The following ALK variants were observed in gnomAD, a reference collection of about 807,000 sequenced individuals.
ALK encodes the protein ALK tyrosine kinase receptor.
Under a neutral mutation model 163.1 loss-of-function variants are expected in ALK, and 74 were observed. The observed-to-expected ratio is 0.45, with a 90% CI of 0.38 to 0.55. The LOEUF (loss-of-function observed/expected upper bound fraction) is 0.55, where lower values mean the gene tolerates loss of function less well. ALK is among the 20% of genes least tolerant of loss of function. The probability of loss-of-function intolerance (pLI) is 0.00; values close to 1 mark genes in which losing one functional copy is unlikely to be tolerated. For synonymous variants in ALK, 960 were observed against 843.2 expected, an observed-to-expected ratio of 1.14 and a Z score of -2.40; for missense variants, 2,063 against 2,105.3, an observed-to-expected ratio of 0.98 and a Z score of 0.39.
intron 18 of ALK, 125 bp downstream of exon 18, chr2:29,226,797 T>G (rs1573131319): frequency 5.5e-5 from 66 of 1,197,652 alleles, no homozygotes; most frequent in Admixed American, 1.7e-5. Flanking sequence ...CTGTGGCAGG[T>G]AGGGGAGGGA....
chr2:29,833,857 A>G (rs772349264), intron 1 of ALK, among the ~76,000 whole-genome samples: 2 of 152,156 alleles, frequency 1.3e-5, no homozygotes, highest in Non-Finnish European at 2.9e-5. Context: ...AGCTCTAGAC[A>G]GTTTTGATGC....
chr2:29,909,973 C>A (rs1434339839), intron 1 of ALK, among the ~76,000 whole-genome samples: 2 of 136,426 alleles, frequency 1.5e-5, no homozygotes, highest in Middle Eastern at 3.6e-3. Context: ...TCATAATGCA[C>A]CACACCAAAA....
intron 1 of ALK, among the ~76,000 whole-genome samples, chr2:29,791,747 C>T (rs535583833): frequency 6.6e-6 from 1 of 152,196 alleles, no homozygotes; most frequent in South Asian, 2.1e-4. Flanking sequence ...ATTCATTCAT[C>T]CATCCATTTA....
intron 3 of ALK, among the ~76,000 whole-genome samples, chr2:29,667,104 C>T (rs902814230): frequency 6.6e-6 from 1 of 152,060 alleles, no homozygotes; most frequent in African/African-American, 2.4e-5. Context: ...TAGGTTGAGT[C>T]CATATTTTGA....
chr2:29,327,328 A>G (rs1194726160), intron 6 of ALK, among the ~76,000 whole-genome samples: 1 of 152,194 alleles, frequency 6.6e-6, no homozygotes, highest in African/African-American at 2.4e-5. Context: ...AGGTATTGCT[A>G]TGGGAAAGAT....
rs2148188842 is a variant in ALK, at chr2:29,239,800, T to C, written c.2235A>G (p.Lys745=). 2 of 1,613,852 alleles carry C rather than the reference T, an allele frequency of 1.2e-6. No individual in the cohort carries two copies. Among genetic ancestry groups the C allele is most frequent in the Non-Finnish European group, 8.5e-7 (1 of 1,179,948 alleles). The change falls in exon 13 of 29, where the codon AAA becomes AAG. Residue 745 remains lysine (K), a synonymous_variant. Transcript: ENST00000389048. The part of the protein sequence containing the change: ...SISGYGAAGG[K]GGKNTMMRSH... Reference sequence around the variant, plus strand: ...ACCGCATCATGGTGTTCTTCCCGCCTTTCCCGCCAGCAGCTCCGTAGCCCG... The same window carrying C: ...ACCGCATCATGGTGTTCTTCCCGCCCTTCCCGCCAGCAGCTCCGTAGCCCG...
intron 3 of ALK, among the ~76,000 whole-genome samples, chr2:29,573,281 G>T (rs1261969331): frequency 1.3e-5 from 2 of 152,182 alleles, no homozygotes; most frequent in Non-Finnish European, 2.9e-5. Flanking sequence ...TTATGCGTTG[G>T]TTTGGTCACT....
rs1060500207 is a variant in ALK, at chr2:29,214,063, C to T, written c.3664G>A (p.Ala1222Thr). 6.2e-7 allele frequency: 1 copy of T among 1,613,986 alleles called. No individual in the cohort carries two copies. Among genetic ancestry groups the T allele is most frequent in the Non-Finnish European group, 8.5e-7 (1 of 1,179,932 alleles). Reference sequence around the variant, plus strand: ...GCCACGTGCAGAAGGTCCAGCATGGCCAGGGAGGAGGGCTGGCTCTGTGGG... The same window carrying T: ...GCCACGTGCAGAAGGTCCAGCATGGTCAGGGAGGAGGGCTGGCTCTGTGGG... ...RPRPSQPSSLAMLDLLHVARD... is the reference protein window; with the variant it reads ...RPRPSQPSSLTMLDLLHVARD... The change falls in exon 24 of 29, where the codon GCC (alanine) becomes ACC (threonine). Residue 1222 changes from alanine (A) to threonine (T), a missense_variant. Ala to Thr is a moderately conservative substitution (Grantham distance 58). Around this residue, in one of 5 missense-constraint regions of ALK, gnomAD observed 575 missense variants for 626.6 expected, o/e 0.92. Coordinates refer to ENST00000389048, the MANE Select transcript of ALK (RefSeq NM_004304.5).
At chr2:29,701,527 T>C (rs558934086) in intron 2 of ALK, among the ~76,000 whole-genome samples, 48 of 152,284 alleles carry the variant, frequency 3.2e-4, no homozygotes, top group African/African-American at 1.2e-3. Context: ...AAGAATGCCA[T>C]GCCCATCAAT....
chr2:29,639,128 CTTTCACACAGAA>C (rs1359031780), intron 3 of ALK, among the ~76,000 whole-genome samples: 1 of 152,180 alleles, frequency 6.6e-6, no homozygotes, highest in Non-Finnish European at 1.5e-5. Flanking sequence ...AGAAATCTAG[CTTTCACACAGAA>C]TTTCAGGACA....
intron 1 of ALK, among the ~76,000 whole-genome samples, chr2:29,794,883 A>T (rs1664268407): frequency 6.6e-6 from 1 of 152,178 alleles, no homozygotes; most frequent in Non-Finnish European, 1.5e-5. Context: ...CAGAGACATG[A>T]AGGAAACACA....
At chr2:29,801,193 G>C (rs1305267926) in intron 1 of ALK, among the ~76,000 whole-genome samples, 2 of 152,156 alleles carry the variant, frequency 1.3e-5, no homozygotes, top group Non-Finnish European at 2.9e-5. Context: ...CAGATACTGT[G>C]AGAAATGTCT....
At position 29,900,575 on chromosome 2, in the gene ALK, G is replaced by A. The variant is rs1444106026; in HGVS notation, c.667+19418C>T. On this transcript the variant is annotated intron_variant, in intron 1 of 28. Coordinates refer to ENST00000389048, the MANE Select transcript of ALK (RefSeq NM_004304.5). ...AATTTTTTCTGGCACCCACTGTGGT[G>A]CCTTGCACAGAGTGGGTACTTCACT... Among the ~76,000 whole-genome samples, 5 of 152,232 alleles carry A rather than the reference G, an allele frequency of 3.3e-5. No individual in the cohort carries two copies. The East Asian group carries it at 9.6e-4, about 29-fold the overall frequency.
At chr2:29,511,934 C>T (rs1672531893) in intron 4 of ALK, among the ~76,000 whole-genome samples, 1 of 152,128 alleles carries the variant, frequency 6.6e-6, no homozygotes, top group African/African-American at 2.4e-5. Flanking sequence ...AATATTTTGC[C>T]CACTTAATTG....
intron 1 of ALK, among the ~76,000 whole-genome samples, chr2:29,744,489 G>A (rs911140598): frequency 1.3e-5 from 2 of 152,110 alleles, no homozygotes; most frequent in Non-Finnish European, 1.5e-5. Context: ...ACTCTAGCTC[G>A]CTTGGGTCAT....
chr2:29,591,427 G>A (rs1011168193), intron 3 of ALK, among the ~76,000 whole-genome samples: 2 of 152,164 alleles, frequency 1.3e-5, no homozygotes, highest in African/African-American at 4.8e-5. Flanking sequence ...GGGAAGCACC[G>A]AAAGCAAGAC....
At chr2:29,260,538 C>A in intron 11 of ALK, among the ~76,000 whole-genome samples, 1 of 151,954 alleles carries the variant, frequency 6.6e-6, no homozygotes, top group Non-Finnish European at 1.5e-5. Context: ...ATACAGTGTT[C>A]AAAAATATGG....
intron 3 of ALK, among the ~76,000 whole-genome samples, chr2:29,656,622 A>AT (rs1248492325): frequency 2.0e-5 from 3 of 152,168 alleles, no homozygotes; most frequent in African/African-American, 7.2e-5. Context: ...TATTGTCTCC[A>AT]TTTTACACAC....
At chr2:29,273,376 GA>G (rs1665445569) in intron 11 of ALK, among the ~76,000 whole-genome samples, 1 of 152,240 alleles carries the variant, frequency 6.6e-6, no homozygotes. Context: ...TCTCAGTGGG[GA>G]GACTTGTGTT....
Sources: gnomAD v4.1 joint callset for allele counts (sites outside exome capture counted in the v4.1 genomes callset) on GRCh38, gnomAD v4.1.1 for gene constraint, gnomAD v4.1.1 regional missense constraint, MANE v1.5 for transcripts, NCBI Gene and HGNC (gene_info 2026-07-23, HGNC 2026-07-21) for gene names.